Variants in TPGS2 observed in about 807,000 individuals in gnomAD.
TPGS2 encodes tubulin polyglutamylase complex subunit 2, also known as polyglutamylase subunit 2.
A neutral mutation model predicts 31.1 loss-of-function variants in TPGS2; 26 were observed. The ratio of observed to expected loss-of-function variants is 0.84; its 90% CI spans 0.61 to 1.16. The LOEUF (loss-of-function observed/expected upper bound fraction) is 1.16, where lower values mean the gene tolerates loss of function less well. Among genes scored for constraint, TPGS2 ranks in the 50% most tolerant of loss-of-function variants. TPGS2 has a pLI of 0.00. For synonymous variants in TPGS2, 130 were observed against 136.6 expected, an observed-to-expected ratio of 0.95 and a Z score of 0.34; for missense variants, 351 against 363.8, an observed-to-expected ratio of 0.96 and a Z score of 0.29.
chr18:36,795,659 A>ATATT lies in TPGS2; in HGVS notation c.*1142_*1145dup, dbSNP rs1410451052. The ATATT allele has an allele frequency of 5.1e-6, 5 of 985,370 alleles. No individual in the cohort carries two copies. The highest frequency in any genetic ancestry group is 4.7e-5 in the South Asian group (1 of 21,294). The allele number at this position is 985,370 out of a possible 1,614,324, so 61.0% of individuals were successfully genotyped here. A position where few individuals can be genotyped will look rare whatever the true frequency, so the allele number is the denominator to read the frequency against. On this transcript the variant is annotated 3_prime_UTR_variant, in exon 7 of 7. Coordinates refer to ENST00000334295, the MANE Select transcript of TPGS2 (RefSeq NM_015476.4). ...GTATGTCAGATTTATCTTGTGTCAA[A>ATATT]TATTAAGCATATGTGGGCTAGAGGT...
Position 36,796,003 on chromosome 18 carries a change from G to GAAGAT in TPGS2, c.*797_*801dup. ...ACACCTTCTTTAAAAAGTTAATAAGGAAGATAATTGTGGAACGTGTACAAA... is the reference window on the plus strand; with the variant it reads ...ACACCTTCTTTAAAAAGTTAATAAGGAAGATAAGATAATTGTGGAACGTGTACAAA... On this transcript the variant is annotated 3_prime_UTR_variant, in exon 7 of 7. Transcript: ENST00000334295. 5 of 985,434 alleles carry GAAGAT rather than the reference G, an allele frequency of 5.1e-6. No homozygotes were observed. Among genetic ancestry groups the GAAGAT allele is most frequent in the South Asian group, 9.4e-5 (2 of 21,288 alleles). 61.0% of individuals were successfully genotyped at this position (985,434 alleles called of 1,614,324 possible). A position where few individuals can be genotyped will look rare whatever the true frequency, so the allele number is the denominator to read the frequency against.
At chr18:36,784,427 A>G in intron 6 of TPGS2, among the ~76,000 whole-genome samples, 1 of 152,250 alleles carries the variant, frequency 6.6e-6, no homozygotes, top group East Asian at 1.9e-4. Flanking sequence ...TTAAAATCAG[A>G]AATCATTTTA....
downstream of TPGS2, chr18:36,780,160 C>T (rs777286652): frequency 3.4e-5 from 42 of 1,231,816 alleles, no homozygotes; most frequent in Non-Finnish European, 4.1e-5. Context: ...GAAGCACCCT[C>T]GCTTGGAACG....
At chr18:36,807,361 C>T (rs2045205066) in intron 3 of TPGS2, among the ~76,000 whole-genome samples, 1 of 152,086 alleles carries the variant, frequency 6.6e-6, no homozygotes, top group African/African-American at 2.4e-5. Context: ...GTGACTTAGG[C>T]TGAGGTGATG....
At chr18:36,812,827 T>C (rs72883595) in intron 2 of TPGS2, among the ~76,000 whole-genome samples, 18,435 of 152,176 alleles carry the variant, frequency 0.12, 1,386 homozygotes, top group Admixed American at 0.17. Flanking sequence ...CGGAACTGAA[T>C]TGGAGGACAC....
chr18:36,788,442 G>GTT (rs1396732125), intron 6 of TPGS2, among the ~76,000 whole-genome samples: 54 of 152,280 alleles, frequency 3.5e-4, no homozygotes, highest in Non-Finnish European at 6.6e-4. Context: ...TCAAAATAAA[G>GTT]TTGAAAAGTA....
rs752817812 is a variant in TPGS2, at chr18:36,805,462, G to T, written c.294C>A (p.Ile98=). The T allele has an allele frequency of 8.7e-6, 14 of 1,613,984 alleles. No individual in the cohort carries two copies. In the East Asian group the frequency reaches 2.9e-4, roughly 33 times the overall value. ...IPLGSMAINS[I]SKLTQLTQSS... ...ACTGGGTGAGCTGAGTCAGTTTTGA[G>T]ATGCTGTTAATTGCCATGCTTCCCA... The change falls in exon 4 of 7, where the codon ATC becomes ATA. Residue 98 remains isoleucine (I), a synonymous_variant. Coordinates refer to ENST00000334295, the MANE Select transcript of TPGS2 (RefSeq NM_015476.4).
intron 2 of TPGS2, among the ~76,000 whole-genome samples, chr18:36,811,171 C>A (rs911247902): frequency 6.6e-6 from 1 of 152,204 alleles, no homozygotes; most frequent in Non-Finnish European, 1.5e-5. Flanking sequence ...ACGGCATCTC[C>A]TGAAACTCTT....
chr18:36,805,508 G>A lies in TPGS2; in HGVS notation c.254-6C>T. 1 of 1,613,974 alleles carries A rather than the reference G, an allele frequency of 6.2e-7. No homozygotes were observed. The highest frequency in any genetic ancestry group is 8.5e-7 in the Non-Finnish European group (1 of 1,179,900). ...TCCCAGTGGAATGATGTGCTCTAGG[G>A]GAACATGCGTTAAGGAGAATTACAT... On this transcript the variant is annotated splice_region_variant and splice_polypyrimidine_tract_variant and intron_variant, in intron 3 of 6. Coordinates refer to ENST00000334295, the MANE Select transcript of TPGS2 (RefSeq NM_015476.4).
At chr18:36,786,241 C>T (rs1289842571) in intron 6 of TPGS2, among the ~76,000 whole-genome samples, 1 of 151,996 alleles carries the variant, frequency 6.6e-6, no homozygotes, top group African/African-American at 2.4e-5. Flanking sequence ...GGTCAGTTAG[C>T]GTCTGGTGGT....
chr18:36,806,057 A>G (rs55797519), intron 3 of TPGS2: 18,456 of 152,288 alleles, frequency 0.12, 1,377 homozygotes, highest in Admixed American at 0.17. Context: ...GTGTAAATAC[A>G]GACTAGGAAG....
At chr18:36,788,131 T>C (rs1358344656) in intron 6 of TPGS2, among the ~76,000 whole-genome samples, 2 of 152,228 alleles carry the variant, frequency 1.3e-5, no homozygotes, top group Non-Finnish European at 2.9e-5. Flanking sequence ...TGATATTATA[T>C]TGAAGACGGA....
chr18:36,827,836 T>C (rs1319528532), intron 1 of TPGS2, among the ~76,000 whole-genome samples: 2 of 151,982 alleles, frequency 1.3e-5, no homozygotes, highest in Non-Finnish European at 2.9e-5. Context: ...AGTGACCTCA[T>C]TTGTTTATTT....
chr18:36,808,453 A>G (rs1181278895), intron 2 of TPGS2, among the ~76,000 whole-genome samples: 1 of 152,136 alleles, frequency 6.6e-6, no homozygotes, highest in Non-Finnish European at 1.5e-5. Flanking sequence ...CTTGGCTAAC[A>G]TGGTGAAACC....
intron 6 of TPGS2, among the ~76,000 whole-genome samples, chr18:36,797,571 A>AAATC (rs2044593994): frequency 6.7e-6 from 1 of 148,938 alleles, no homozygotes; most frequent in Non-Finnish European, 1.5e-5. Flanking sequence ...TTTACCTTTT[A>AAATC]AATCACAGCC....
At chr18:36,785,106 C>T (rs565603001) in intron 6 of TPGS2, among the ~76,000 whole-genome samples, 18 of 152,072 alleles carry the variant, frequency 1.2e-4, no homozygotes, top group Non-Finnish European at 1.8e-4. Context: ...GGAGACCAGC[C>T]TGAACAATAT....
chr18:36,818,909 A>G lies in TPGS2; in HGVS notation c.150T>C (p.Ile50=), dbSNP rs1488138748. The G allele has an allele frequency of 6.2e-7, 1 of 1,613,726 alleles. No homozygotes were observed. The highest frequency in any genetic ancestry group is 1.7e-5 in the Admixed American group (1 of 59,996). Residue 50 remains isoleucine (I), a synonymous_variant, in exon 2 of 7, where the codon ATT becomes ATC. Coordinates refer to ENST00000334295, the MANE Select transcript of TPGS2 (RefSeq NM_015476.4). Reference sequence around the variant, plus strand: ...CAACACTTACTTGTTCCCAGGAAGAAATCATATGACGTTCAGCAGGAGGCT... The same window carrying G: ...CAACACTTACTTGTTCCCAGGAAGAGATCATATGACGTTCAGCAGGAGGCT... ...IEKPPAERHM[I]SSWEQKNNCV...
chr18:36,805,948 A>AC (rs1556779312), intron 3 of TPGS2: 3 of 54,670 alleles, frequency 5.5e-5, no homozygotes, highest in Admixed American at 2.0e-4. Flanking sequence ...AGCTTTCATG[A>AC]TTAAAAAAAA....
chr18:36,793,373 A>G (rs2044380540), downstream of TPGS2, among the ~76,000 whole-genome samples: 1 of 152,220 alleles, frequency 6.6e-6, no homozygotes, highest in South Asian at 2.1e-4. Context: ...TAAGCATCTT[A>G]TATCTATAAC....
Sources: allele counts gnomAD v4.1 joint callset (sites outside exome capture counted in the v4.1 genomes callset), GRCh38; gene constraint gnomAD v4.1.1; transcripts MANE v1.5; gene names NCBI Gene and HGNC (gene_info 2026-07-23, HGNC 2026-07-21).